C6: variants seen among roughly 807,000 people sequenced by gnomAD.
The protein encoded by C6 is complement component C6.
C6 carries 101 observed loss-of-function variants against 112.9 expected under a neutral mutation model. The ratio of observed to expected loss-of-function variants is 0.89; its 90% CI spans 0.76 to 1.06. The LOEUF is 1.06. Ranked by LOEUF, C6 falls within the 50% of genes least tolerant of loss-of-function variation. The pLI, the probability that C6 is intolerant of heterozygous loss-of-function variation, is 0.00. For missense variants in C6, 1,202 were observed against 1,104.6 expected (o/e 1.09, Z -1.25); for synonymous variants, 431 against 384.1 (o/e 1.12, Z -1.43).
chr5:41,225,217 C>A (rs1480755263), intron 1 of C6, among the ~76,000 whole-genome samples: 1 of 152,102 alleles, frequency 6.6e-6, no homozygotes, highest in Non-Finnish European at 1.5e-5. Flanking sequence ...CCTCCCCTCT[C>A]CCCCAACCCC....
At chr5:41,172,111 G>A in intron 9 of C6, 114 bp downstream of exon 9, 2 of 1,080,586 alleles carry the variant, frequency 1.9e-6, no homozygotes, top group South Asian at 1.3e-5. Flanking sequence ...TTCTGAGGAA[G>A]AGAAATGAAA....
intron 1 of C6, among the ~76,000 whole-genome samples, chr5:41,220,006 T>C (rs1319123672): frequency 6.6e-6 from 1 of 152,152 alleles, no homozygotes; most frequent in African/African-American, 2.4e-5. Flanking sequence ...AATTGAAAAG[T>C]GTTTGAGGTG....
At chr5:41,159,276 C>A in intron 11 of C6, 23 bp from the exon 12 acceptor site, 1 of 1,610,608 alleles carries the variant, frequency 6.2e-7, no homozygotes, top group Non-Finnish European at 8.5e-7. Context: ...AAGACTCACT[C>A]CCATGGATCA....
rs771548794 is a variant in C6 at position 41,149,448 on chromosome 5, C to A, written c.2416G>T (p.Asp806Tyr). Reference protein sequence around the residue: ...HSEDLCVFDTDSNDYFTSPAC... With the variant: ...HSEDLCVFDTYSNDYFTSPAC... Reference sequence around the variant, plus strand: ...GGTGAAGTAAAGTAATCGTTGGAGTCTGTGTCAAACACACAGAGATCTTCT... The same window carrying A: ...GGTGAAGTAAAGTAATCGTTGGAGTATGTGTCAAACACACAGAGATCTTCT... Residue 806 changes from aspartate to tyrosine, a missense_variant, in exon 17 of 18, where the codon GAC (aspartate) becomes TAC (tyrosine). Asp to Tyr is a radical substitution (Grantham distance 160). Coordinates refer to ENST00000337836, the MANE Select transcript of C6 (RefSeq NM_000065.5). The A allele has an allele frequency of 1.4e-5, 23 of 1,614,074 alleles. No individual in the cohort carries two copies. Among genetic ancestry groups the A allele is most frequent in the Non-Finnish European group, 1.9e-5 (23 of 1,179,970 alleles).
intron 7 of C6, among the ~76,000 whole-genome samples, chr5:41,179,591 T>C (rs992069936): frequency 2.6e-5 from 4 of 151,348 alleles, no homozygotes; most frequent in African/African-American, 9.7e-5. Context: ...TACTATCTTG[T>C]CTTACAAAGA....
In C6 at chr5:41,219,124, GCTGATGCCAGCCCTGAGC is replaced by G. The variant is rs1036108369; in HGVS notation, c.-20-15892_-20-15875del. On this transcript the variant is annotated intron_variant, in intron 1 of 17. Coordinates refer to the C6 transcript ENST00000263413. Reference sequence around the variant, plus strand: ...CAGTTTATTCAAGCCATGTGTGCTGGCTGATGCCAGCCCTGAGCCTGATGCCAGCCCTGAGCCTGATGC... The same window carrying G: ...CAGTTTATTCAAGCCATGTGTGCTGGCTGATGCCAGCCCTGAGCCTGATGC... 3.3e-4 allele frequency among the ~76,000 whole-genome samples: 50 copies of G among 152,294 alleles called. No homozygotes were observed. The Middle Eastern group carries it at 0.014, about 41-fold the overall frequency.
intron 1 of C6, among the ~76,000 whole-genome samples, chr5:41,227,043 T>G (rs1227639223): frequency 1.3e-5 from 2 of 152,176 alleles, no homozygotes; most frequent in Non-Finnish European, 2.9e-5. Flanking sequence ...CTGTTTTCTA[T>G]AATGTCTGTA....
At chr5:41,156,638 T>C (rs181674649) in intron 13 of C6, among the ~76,000 whole-genome samples, 32 of 152,272 alleles carry the variant, frequency 2.1e-4, no homozygotes, top group Admixed American at 2.1e-3. Context: ...TCAGCTTATG[T>C]TGTTACTTGG....
chr5:41,259,567 C>A (rs1005028091), intron 1 of C6, among the ~76,000 whole-genome samples: 10 of 151,058 alleles, frequency 6.6e-5, no homozygotes, highest in Non-Finnish European at 1.5e-4. Context: ...GCACTATTTT[C>A]CTACAACAAG....
intron 6 of C6, among the ~76,000 whole-genome samples, chr5:41,185,005 T>C (rs1193030905): frequency 2.0e-5 from 3 of 152,200 alleles, no homozygotes; most frequent in African/African-American, 7.2e-5. Flanking sequence ...ACAGGCAATA[T>C]CCTTTTGTGA....
At chr5:41,145,028 T>C (rs1387167592) in intron 17 of C6, among the ~76,000 whole-genome samples, 1 of 152,232 alleles carries the variant, frequency 6.6e-6, no homozygotes, top group Non-Finnish European at 1.5e-5. Context: ...CTAATGTAAA[T>C]GGTGCTACAA....
intron 2 of C6, among the ~76,000 whole-genome samples, chr5:41,202,764 T>C (rs1751130888): frequency 6.6e-6 from 1 of 152,204 alleles, no homozygotes; most frequent in Non-Finnish European, 1.5e-5. Context: ...TTCTCTATAA[T>C]TAACTCACTA....
intron 4 of C6, 30 bp from the exon 5 acceptor site, chr5:41,195,963 C>A (rs1365439225): frequency 6.2e-7 from 1 of 1,611,964 alleles, no homozygotes; most frequent in African/African-American, 1.3e-5. Flanking sequence ...AAAATCAATG[C>A]AACAAATTAT....
At chr5:41,167,971 T>G (rs2150290751) in intron 9 of C6, among the ~76,000 whole-genome samples, 1 of 152,164 alleles carries the variant, frequency 6.6e-6, no homozygotes, top group African/African-American at 2.4e-5. Context: ...AGGAAAAAAT[T>G]TACCTTATTC....
intron 17 of C6, among the ~76,000 whole-genome samples, chr5:41,145,577 T>G (rs1289189017): frequency 6.6e-6 from 1 of 152,216 alleles, no homozygotes; most frequent in Non-Finnish European, 1.5e-5. Context: ...TTCTTTCCCA[T>G]GTGTCTCAAC....
chr5:41,184,498 G>A (rs568805274), intron 6 of C6, among the ~76,000 whole-genome samples: 2 of 151,160 alleles, frequency 1.3e-5, no homozygotes, highest in African/African-American at 4.9e-5. Context: ...TTTTGAGAGA[G>A]TCTCACTCTG....
At chr5:41,175,329 C>T (rs886365535) in intron 8 of C6, among the ~76,000 whole-genome samples, 25 of 152,324 alleles carry the variant, frequency 1.6e-4, no homozygotes, top group African/African-American at 5.1e-4. Flanking sequence ...TATGGACACA[C>T]TGTCAATACA....
rs1745451114 is a variant in C6 at position 41,142,603 on chromosome 5, G to A, written c.*222C>T. ...ATTTACGAGACTGCTGTGGAAGTTG[G>A]TACCTAGGGGTATGCTACAGGGCGT... On this transcript the variant is annotated 3_prime_UTR_variant, in exon 18 of 18. Coordinates refer to ENST00000337836, the MANE Select transcript of C6 (RefSeq NM_000065.5). The A allele has an allele frequency of 1.7e-6, 1 of 572,646 alleles. No homozygotes were observed. The highest frequency in any genetic ancestry group is 2.1e-5 in the South Asian group (1 of 48,020). 35.5% of individuals were successfully genotyped at this position (572,646 alleles called of 1,614,324 possible). A position where few individuals can be genotyped will look rare whatever the true frequency, so the allele number is the denominator to read the frequency against.
At chr5:41,201,015 T>C (rs557360611) in intron 3 of C6, among the ~76,000 whole-genome samples, 5 of 151,362 alleles carry the variant, frequency 3.3e-5, no homozygotes, top group African/African-American at 1.2e-4. Flanking sequence ...CAGTGGAGTA[T>C]TGTATATGTA....
Sources: allele counts gnomAD v4.1 joint callset (sites outside exome capture counted in the v4.1 genomes callset), GRCh38; gene constraint gnomAD v4.1.1; transcripts MANE v1.5; gene names NCBI Gene and HGNC (gene_info 2026-07-23, HGNC 2026-07-21).